Variants in FOXP1 observed in about 807,000 individuals in gnomAD.
FOXP1 encodes forkhead box protein P1.
Under a neutral mutation model 98.2 loss-of-function variants are expected in FOXP1, and 15 were observed. That is an observed-to-expected ratio of 0.15 (90% CI 0.10 to 0.24). The LOEUF (loss-of-function observed/expected upper bound fraction) is 0.24, where lower values mean the gene tolerates loss of function less well. FOXP1 is among the 10% of genes least tolerant of loss of function. FOXP1 has a pLI of 1.00. For missense variants in FOXP1, 633 were observed against 848.5 expected, an observed-to-expected ratio of 0.75 and a Z score of 3.15; for synonymous variants, 371 against 314.5, an observed-to-expected ratio of 1.18 and a Z score of -1.90.
intron 12 of FOXP1, among the ~76,000 whole-genome samples, chr3:71,002,367 T>C (rs944504616): frequency 6.6e-6 from 1 of 152,184 alleles, no homozygotes; most frequent in Admixed American, 6.5e-5. Flanking sequence ...GAGGAGACAT[T>C]ATGGTGAACA....
chr3:71,332,406 TG>T (rs1296038965), intron 4 of FOXP1: 1 of 169,088 alleles, frequency 5.9e-6, no homozygotes, highest in African/African-American at 2.4e-5. Context: ...CTTGAAGAAC[TG>T]TAACACTCAC....
chr3:71,440,540 T>C (rs2085832470), intron 3 of FOXP1, among the ~76,000 whole-genome samples: 2 of 152,010 alleles, frequency 1.3e-5, no homozygotes, highest in Non-Finnish European at 2.9e-5. Context: ...TAGCTGGGCA[T>C]GGTGGCACAT....
intron 4 of FOXP1, 124 bp from the exon 5 acceptor site, chr3:71,300,004 G>A (rs1288414314): frequency 2.0e-5 from 3 of 152,324 alleles, no homozygotes; most frequent in African/African-American, 7.2e-5. Flanking sequence ...TGACTTTCAG[G>A]GTTAATAAAA....
intron 7 of FOXP1, among the ~76,000 whole-genome samples, chr3:71,085,832 C>T (rs188877189): frequency 5.4e-5 from 8 of 147,786 alleles, no homozygotes; most frequent in African/African-American, 1.3e-4. Flanking sequence ...TGGGTTCAAG[C>T]GATTCTCCTG....
At chr3:71,086,010 G>T (rs1330531131) in intron 7 of FOXP1, among the ~76,000 whole-genome samples, 1 of 152,018 alleles carries the variant, frequency 6.6e-6, no homozygotes, top group Non-Finnish European at 1.5e-5. Flanking sequence ...TTACAGGCGT[G>T]AGCCACCGCA....
chr3:71,348,033 T>C, intron 4 of FOXP1, among the ~76,000 whole-genome samples: 1 of 152,156 alleles, frequency 6.6e-6, no homozygotes, highest in East Asian at 1.9e-4. Flanking sequence ...GTTTAATTTA[T>C]AAATTAGGCA....
intron 5 of FOXP1, among the ~76,000 whole-genome samples, chr3:71,214,983 G>A (rs2064814058): frequency 6.6e-6 from 1 of 152,208 alleles, no homozygotes; most frequent in Non-Finnish European, 1.5e-5. Context: ...ATGGTTCTGT[G>A]GACAGCCGCA....
chr3:71,248,931 A>G (rs112766855), intron 5 of FOXP1, among the ~76,000 whole-genome samples: 2 of 152,184 alleles, frequency 1.3e-5, no homozygotes, highest in African/African-American at 4.8e-5. Context: ...ATCACAAAAA[A>G]GCCAGTGGGA....
intron 3 of FOXP1, among the ~76,000 whole-genome samples, chr3:71,379,361 A>T (rs1430614427): frequency 2.0e-5 from 3 of 152,174 alleles, no homozygotes; most frequent in Non-Finnish European, 4.4e-5. Context: ...TGAACCCTTC[A>T]AATTATGTCA....
At chr3:71,308,349 CAA>C (rs2074426637) in intron 4 of FOXP1, among the ~76,000 whole-genome samples, 2 of 152,166 alleles carry the variant, frequency 1.3e-5, no homozygotes, top group African/African-American at 4.8e-5. Context: ...AGAGCTATCT[CAA>C]AAAGGCAAAA....
At chr3:71,547,651 AACAC>A (rs1224477299) in intron 2 of FOXP1, among the ~76,000 whole-genome samples, 2 of 152,204 alleles carry the variant, frequency 1.3e-5, no homozygotes. Context: ...GAAGAATGTG[AACAC>A]ACAAAGTTCT....
intron 10 of FOXP1, among the ~76,000 whole-genome samples, chr3:71,041,962 G>C (rs1257679529): frequency 1.3e-5 from 2 of 152,138 alleles, no homozygotes; most frequent in African/African-American, 4.8e-5. Context: ...AGTCTTAAAT[G>C]ATGACAAATA....
intron 6 of FOXP1, among the ~76,000 whole-genome samples, chr3:71,168,279 A>C (rs1447734785): frequency 6.7e-6 from 1 of 149,626 alleles, no homozygotes; most frequent in Non-Finnish European, 1.5e-5. Flanking sequence ...TACCTCCTTA[A>C]CCACAAGGAA....
chr3:71,529,966 A>C (rs939642899), intron 2 of FOXP1, among the ~76,000 whole-genome samples: 1 of 152,166 alleles, frequency 6.6e-6, no homozygotes, highest in Non-Finnish European at 1.5e-5. Flanking sequence ...GTGGGTCAGA[A>C]GCATAGGTGA....
chr3:71,123,921 T>C (rs75063932), intron 6 of FOXP1, among the ~76,000 whole-genome samples: 6,413 of 152,230 alleles, frequency 0.042, 473 homozygotes, highest in African/African-American at 0.15. Flanking sequence ...ACCCATTATA[T>C]TATTTATTTT....
At chr3:71,208,407 C>T (rs1262749317) in intron 5 of FOXP1, among the ~76,000 whole-genome samples, 2 of 150,604 alleles carry the variant, frequency 1.3e-5, no homozygotes, top group Non-Finnish European at 3.0e-5. Context: ...AAAAACCAAA[C>T]AACTTGCTAA....
At chr3:71,216,156 G>A (rs904614379) in intron 5 of FOXP1, among the ~76,000 whole-genome samples, 6 of 152,148 alleles carry the variant, frequency 3.9e-5, no homozygotes, top group Non-Finnish European at 7.3e-5. Context: ...GAGCAGAGGC[G>A]CCTTGAGTCC....
chr3:71,456,264 G>A (rs971386308), intron 3 of FOXP1, among the ~76,000 whole-genome samples: 23 of 151,920 alleles, frequency 1.5e-4, no homozygotes, highest in African/African-American at 5.1e-4. Context: ...GAGAGAGAGA[G>A]GGGACACACA....
chr3:71,323,395 G>C (rs950664386), intron 4 of FOXP1, among the ~76,000 whole-genome samples: 20 of 152,146 alleles, frequency 1.3e-4, no homozygotes, highest in Admixed American at 1.3e-4. Flanking sequence ...CAGAAACTGG[G>C]AGGGTGGAGA....
Sources: allele counts gnomAD v4.1 joint callset (sites outside exome capture counted in the v4.1 genomes callset), GRCh38; gene constraint gnomAD v4.1.1; transcripts MANE v1.5; gene names NCBI Gene and HGNC (gene_info 2026-07-23, HGNC 2026-07-21).